Variants in MECOM observed in about 807,000 individuals in gnomAD.
MECOM encodes MDS1 and EVI1 complex locus, also known as histone-lysine N-methyltransferase MECOM.
In MECOM, 13 loss-of-function variants were observed where a neutral mutation model predicts 116.3. The observed-to-expected ratio is 0.11, with a 90% CI of 0.07 to 0.18. The LOEUF (loss-of-function observed/expected upper bound fraction) is 0.18, where lower values mean the gene tolerates loss of function less well. MECOM is among the 10% of genes least tolerant of loss of function. MECOM has a pLI of 1.00. For missense variants in MECOM, 1,299 were observed against 1,509.0 expected (o/e 0.86, Z 2.31); for synonymous variants, 528 against 535.2 (o/e 0.99, Z 0.19).
chr3:169,595,928 C>A (rs1168108188), intron 1 of MECOM, among the ~76,000 whole-genome samples: 1 of 102,324 alleles, frequency 9.8e-6, no homozygotes, highest in African/African-American at 3.0e-5. Context: ...AAATAGAATT[C>A]TTTCATTCAT....
At chr3:169,192,246 A>G (rs548663973) in intron 2 of MECOM, among the ~76,000 whole-genome samples, 1 of 152,162 alleles carries the variant, frequency 6.6e-6, no homozygotes, top group African/African-American at 2.4e-5. Flanking sequence ...CTGAATTGGA[A>G]TAACAGAGCC....
At chr3:169,093,206 A>T (rs1465262020) in intron 13 of MECOM, 104 bp from the exon 14 acceptor site, 1 of 1,145,716 alleles carries the variant, frequency 8.7e-7, no homozygotes. Flanking sequence ...TTCTTAAAAC[A>T]TGCCCTATGA....
At chr3:169,651,344 T>C (rs1774887490) in intron 1 of MECOM, among the ~76,000 whole-genome samples, 1 of 152,236 alleles carries the variant, frequency 6.6e-6, no homozygotes, top group Non-Finnish European at 1.5e-5. Context: ...AAACCATCCC[T>C]GCAAGTGATA....
chr3:169,598,873 C>T (rs887616663), intron 1 of MECOM, among the ~76,000 whole-genome samples: 5 of 152,070 alleles, frequency 3.3e-5, no homozygotes, highest in Non-Finnish European at 7.4e-5. Flanking sequence ...GGCATCAAAA[C>T]CATGAAGGTC....
intron 1 of MECOM, among the ~76,000 whole-genome samples, chr3:169,617,077 A>G (rs1015433080): frequency 2.0e-4 from 30 of 152,170 alleles, no homozygotes; most frequent in African/African-American, 5.1e-4. Flanking sequence ...CTCCCACAAA[A>G]CTAGGAGCAA....
intron 2 of MECOM, among the ~76,000 whole-genome samples, chr3:169,265,664 G>A (rs981802671): frequency 7.9e-5 from 12 of 152,164 alleles, no homozygotes; most frequent in Admixed American, 5.9e-4. Context: ...CACTAAAAGC[G>A]GGAGAATAAA....
chr3:169,513,092 C>T (rs1305132573), intron 1 of MECOM, among the ~76,000 whole-genome samples: 1 of 152,186 alleles, frequency 6.6e-6, no homozygotes, highest in African/African-American at 2.4e-5. Context: ...TTTGTTTCCC[C>T]GGGATGACAA....
intron 2 of MECOM, among the ~76,000 whole-genome samples, chr3:169,155,383 C>T (rs938009514): frequency 1.3e-5 from 2 of 152,142 alleles, no homozygotes; most frequent in African/African-American, 4.8e-5. Context: ...TCCTCTCCTT[C>T]CCTTGTCCCC....
chr3:169,536,152 A>G (rs1759322583), intron 1 of MECOM, among the ~76,000 whole-genome samples: 1 of 152,016 alleles, frequency 6.6e-6, no homozygotes, highest in African/African-American at 2.4e-5. Flanking sequence ...TCTTTCTGGG[A>G]TTTCCTGAGA....
intron 2 of MECOM, among the ~76,000 whole-genome samples, chr3:169,154,019 T>C (rs1741567663): frequency 6.6e-6 from 1 of 152,192 alleles, no homozygotes; most frequent in Non-Finnish European, 1.5e-5. Context: ...GCCCTAATCC[T>C]TACCCTGACC....
At chr3:169,370,866 T>A (rs1381075923) in intron 2 of MECOM, among the ~76,000 whole-genome samples, 1 of 151,958 alleles carries the variant, frequency 6.6e-6, no homozygotes, top group East Asian at 1.9e-4. Flanking sequence ...AGAATGACTG[T>A]TATTGGCGAA....
intron 1 of MECOM, among the ~76,000 whole-genome samples, chr3:169,391,745 T>C (rs1734227502): frequency 6.6e-6 from 1 of 152,184 alleles, no homozygotes; most frequent in African/African-American, 2.4e-5. Context: ...TTTAAGGGAA[T>C]GATATAATAT....
chr3:169,095,120 T>C lies in MECOM; in HGVS notation c.2975A>G (p.Asn992Ser). The stretch of plus-strand genomic sequence containing the variant: ...ATGTTTCTTTAGGTGTCTGTCTAAA[T>C]TGGTTTGTTGACCAAAACACCTATC... ...LCDRCFGQQT[N>S]LDRHLKKHEN... The change falls in exon 13 of 17, where the codon AAT becomes AGT. Residue 992 changes from asparagine (N) to serine (S), a missense_variant. By Grantham distance (46) the Asn-to-Ser change is conservative. Transcript: ENST00000651503. The C allele has an allele frequency of 3.1e-6, 5 of 1,613,030 alleles. No homozygotes were observed. The highest frequency in any genetic ancestry group is 3.4e-6 in the Non-Finnish European group (4 of 1,179,560).
At position 169,127,852 on chromosome 3, in the gene MECOM, A is replaced by G. The variant is rs142578153; in HGVS notation, c.822T>C (p.Asp274=). 3.3e-3 allele frequency: 5,279 copies of G among 1,613,646 alleles called. 14 individuals carry two copies. Among genetic ancestry groups the G allele is most frequent in the Non-Finnish European group, 4.1e-3 (4,808 of 1,179,592 alleles). ...AACATGCCATTTCTAACCTTTGCAA[A>G]TCAGGAAAAACTTGGTCACATTCCT... ...ECKECDQVFP[D]LQSLEKHMLS... is the part of the protein sequence containing the mutation. The change falls in exon 5 of 17, where the codon GAT becomes GAC. Residue 274 remains aspartate (D), a synonymous_variant. Coordinates refer to ENST00000651503, the MANE Select transcript of MECOM (RefSeq NM_004991.4).
chr3:169,191,017 A>G (rs1477696100), intron 2 of MECOM, among the ~76,000 whole-genome samples: 1 of 152,018 alleles, frequency 6.6e-6, no homozygotes, highest in Non-Finnish European at 1.5e-5. Context: ...ACTGTTTCAG[A>G]TACCAGGAGC....
At chr3:169,490,958 A>G (rs1753019979) in intron 1 of MECOM, among the ~76,000 whole-genome samples, 1 of 152,050 alleles carries the variant, frequency 6.6e-6, no homozygotes, top group African/African-American at 2.4e-5. Flanking sequence ...TCTTGGGCTC[A>G]AGCAATCCTC....
At chr3:169,371,535 T>A (rs201917191) in intron 2 of MECOM, among the ~76,000 whole-genome samples, 13 of 120,116 alleles carry the variant, frequency 1.1e-4, no homozygotes, top group East Asian at 7.7e-4. Flanking sequence ...ACACACACAC[T>A]CACACACACA....
intron 2 of MECOM, among the ~76,000 whole-genome samples, chr3:169,261,723 GAGA>G (rs1425166580): frequency 1.5e-5 from 2 of 136,618 alleles, no homozygotes; most frequent in South Asian, 2.4e-4. Context: ...GAAGGAGAAG[GAGA>G]AGGAGAAGGA....
At chr3:169,236,117 C>T (rs891371583) in intron 2 of MECOM, among the ~76,000 whole-genome samples, 1 of 152,082 alleles carries the variant, frequency 6.6e-6, no homozygotes, top group African/African-American at 2.4e-5. Flanking sequence ...ATGATTTTGT[C>T]CAACTGCAGG....
Sources: gnomAD v4.1 joint callset for allele counts (sites outside exome capture counted in the v4.1 genomes callset) on GRCh38, gnomAD v4.1.1 for gene constraint, MANE v1.5 for transcripts, NCBI Gene and HGNC (gene_info 2026-07-23, HGNC 2026-07-21) for gene names.